TMEM221: variants seen among roughly 807,000 people sequenced by gnomAD.
TMEM221 encodes the protein transmembrane protein 221, also known as Putative transmembrane protein ENSP00000342162.
TMEM221 carries 11 observed loss-of-function variants against 10.2 expected under a neutral mutation model. The observed-to-expected ratio is 1.08, with a 90% CI of 0.68 to 1.79. TMEM221 has a LOEUF of 1.79. Ranked by LOEUF, TMEM221 falls within the 40% of genes most tolerant of loss-of-function variation. TMEM221 has a pLI of 0.00. For missense variants in TMEM221, 382 were observed against 417.7 expected (o/e 0.91, Z 0.75); for synonymous variants, 172 against 199.8 (o/e 0.86, Z 1.18).
chr19:17,437,838 G>T lies in TMEM221; in HGVS notation c.407-911C>A, dbSNP rs1043931345. The stretch of plus-strand genomic sequence containing the variant: ...AAGGAGTGGATGTTGGGGACCAGAT[G>T]AGGGTGGGGGCCACAGAAAGGGGTG... On this transcript the variant is annotated intron_variant, in intron 2 of 2. Coordinates refer to ENST00000341130, the MANE Select transcript of TMEM221 (RefSeq NM_001190844.2). Among the ~76,000 whole-genome samples the T allele has an allele frequency of 2.6e-5, 4 of 152,214 alleles. 1 individual carries two copies. In the Middle Eastern group the frequency reaches 0.01, roughly 388 times the overall value.
chr19:17,440,775 G>A (rs144199357), intron 2 of TMEM221, among the ~76,000 whole-genome samples: 2,255 of 152,264 alleles, frequency 0.015, 21 homozygotes, highest in Admixed American at 0.035. Flanking sequence ...TGCCTGGGGT[G>A]GGGGTGAGGG....
At chr19:17,440,827 C>G (rs1450310489) in intron 2 of TMEM221, among the ~76,000 whole-genome samples, 1 of 152,182 alleles carries the variant, frequency 6.6e-6, no homozygotes, top group Non-Finnish European at 1.5e-5. Context: ...CTCTCTGGTG[C>G]CCACAGGTTT....
In TMEM221 at chr19:17,448,639, G is replaced by T. The variant is rs2074963167; in HGVS notation, c.-177C>A. 7 of 397,200 alleles carry T rather than the reference G, an allele frequency of 1.8e-5. No individual in the cohort carries two copies. The highest frequency in any genetic ancestry group is 3.1e-5 in the Non-Finnish European group (7 of 228,802). The allele number at this position is 397,200 out of a possible 1,614,324, so 24.6% of individuals were successfully genotyped here. A position where few individuals can be genotyped will look rare whatever the true frequency, so the allele number is the denominator to read the frequency against. ...TCGCCAGACGGACGGGGGCTCCGGG[G>T]TGCTGGTCGCAGCCGGGACGCCGAA... is the stretch of plus-strand genomic sequence containing the variant. On this transcript the variant is annotated 5_prime_UTR_variant, in exon 1 of 3. Transcript: ENST00000341130. This position sits in a 1 kb window ranked among gnomAD's most constrained non-coding sequence, Gnocchi z 4.7.
chr19:17,448,482 C>CG lies in TMEM221; in HGVS notation c.-21dup. The CG allele has an allele frequency of 6.9e-7, 1 of 1,447,400 alleles. No individual in the cohort carries two copies. The highest frequency in any genetic ancestry group is 9.1e-7 in the Non-Finnish European group (1 of 1,102,944). The allele number at this position is 1,447,400 out of a possible 1,614,324, so 89.7% of individuals were successfully genotyped here. A position where few individuals can be genotyped will look rare whatever the true frequency, so the allele number is the denominator to read the frequency against. On this transcript the variant is annotated 5_prime_UTR_variant, in exon 1 of 3. Coordinates refer to ENST00000341130, the MANE Select transcript of TMEM221 (RefSeq NM_001190844.2). The surrounding 1 kb of genome is among the most constrained non-coding windows in gnomAD (Gnocchi z 4.7). The stretch of plus-strand genomic sequence containing the variant: ...GGCCATGGCGGGGGTTCCTGCGGGC[C>CG]GGGGGAAGAGTTGAGGAATTGAAGT...
At chr19:17,444,262 T>C (rs531843507) in intron 2 of TMEM221, among the ~76,000 whole-genome samples, 108 of 151,438 alleles carry the variant, frequency 7.1e-4, no homozygotes, top group Non-Finnish European at 1.3e-3. Context: ...TTTGTATTTT[T>C]AGTAGAGATG....
intron 1 of TMEM221, among the ~76,000 whole-genome samples, chr19:17,446,052 C>T (rs1172865855): frequency 3.3e-5 from 5 of 151,960 alleles, no homozygotes; most frequent in African/African-American, 1.2e-4. Flanking sequence ...CATATACAGC[C>T]TTCCATCCAT....
intron 2 of TMEM221, among the ~76,000 whole-genome samples, chr19:17,442,908 C>G (rs1335677030): frequency 6.6e-6 from 1 of 152,142 alleles, no homozygotes; most frequent in Non-Finnish European, 1.5e-5. Flanking sequence ...ATGCAGTGTT[C>G]CGTGCACTTC....
At position 17,436,202 on chromosome 19, in the gene TMEM221, GA is replaced by G. The variant is rs2074907383; in HGVS notation, c.*255del. ...TGTTCTGGCCAGTGGGATATAAAAAGAAGGGTTTCGAGGCTTCCTGGGAAGA... is the reference window on the plus strand; with the variant it reads ...TGTTCTGGCCAGTGGGATATAAAAAGAGGGTTTCGAGGCTTCCTGGGAAGA... On this transcript the variant is annotated 3_prime_UTR_variant, in exon 3 of 3. Transcript: ENST00000341130. 1 of 466,784 alleles carries G rather than the reference GA, an allele frequency of 2.1e-6. No homozygotes were observed. 28.9% of individuals were successfully genotyped at this position (466,784 alleles called of 1,614,324 possible).
intron 2 of TMEM221, among the ~76,000 whole-genome samples, chr19:17,438,336 C>T (rs1207327619): frequency 6.6e-6 from 1 of 152,130 alleles, no homozygotes; most frequent in African/African-American, 2.4e-5. Flanking sequence ...GATCCGCCCA[C>T]CTTGGCCTTC....
rs545515040 is a variant in TMEM221, at chr19:17,438,639, C to T, written c.407-1712G>A. Among the ~76,000 whole-genome samples the T allele has an allele frequency of 2.0e-3, 305 of 149,780 alleles. 2 individuals are homozygous for T. Among genetic ancestry groups the T allele is most frequent in the African/African-American group, 6.9e-3 (279 of 40,718 alleles). On this transcript the variant is annotated intron_variant, in intron 2 of 2. Transcript: ENST00000341130. ...TGAGACTGAGTTTTGCTCTTGTTGC[C>T]GAGGCTGGAGTGCAGTGGCACAATC...
rs2074907527 is a variant in TMEM221 at position 17,436,241 on chromosome 19, A to G, written c.*217T>C. 3 of 526,770 alleles carry G rather than the reference A, an allele frequency of 5.7e-6. No homozygotes were observed. Among genetic ancestry groups the G allele is most frequent in the Non-Finnish European group, 6.6e-6 (2 of 301,714 alleles). The allele number at this position is 526,770 out of a possible 1,614,324, so 32.6% of individuals were successfully genotyped here. ...CTTCCTGGGAAGACTTCCAGGAGAC[A>G]CCTAGCCAGCGCTGGCCTCTGACTT... On this transcript the variant is annotated 3_prime_UTR_variant, in exon 3 of 3. Coordinates refer to ENST00000341130, the MANE Select transcript of TMEM221 (RefSeq NM_001190844.2).
chr19:17,442,391 T>G (rs957476969), intron 2 of TMEM221, among the ~76,000 whole-genome samples: 2 of 151,462 alleles, frequency 1.3e-5, no homozygotes, highest in Admixed American at 6.6e-5. Flanking sequence ...CCTGAGTAGC[T>G]GGGTCTACAG....
rs1435736087 is a variant in TMEM221 at position 17,436,717 on chromosome 19, G to A, written c.617C>T (p.Pro206Leu). Residue 206 changes from proline to leucine, a missense_variant, in exon 3 of 3, where the codon CCC (proline) becomes CTC (leucine). Physicochemically the swap from Pro to Leu is moderately conservative, Grantham distance 98 (BLOSUM62 -3). Transcript: ENST00000341130. Reference protein sequence around the residue: ...ARPAEVSKASPRAQPQQGIHR... With the variant: ...ARPAEVSKASLRAQPQQGIHR... ...GATACCCTGCTGAGGCTGAGCTCTGGGGCTGGCCTTGGAGACTTCGGCAGG... is the reference window on the plus strand; with the variant it reads ...GATACCCTGCTGAGGCTGAGCTCTGAGGCTGGCCTTGGAGACTTCGGCAGG... The A allele has an allele frequency of 6.5e-7, 1 of 1,531,928 alleles. No individual in the cohort carries two copies. The highest frequency in any genetic ancestry group is 8.7e-7 in the Non-Finnish European group (1 of 1,144,160). The allele number at this position is 1,531,928 out of a possible 1,614,324, so 94.9% of individuals were successfully genotyped here.
At chr19:17,440,141 C>T (rs2074925969) in intron 2 of TMEM221, among the ~76,000 whole-genome samples, 1 of 151,882 alleles carries the variant, frequency 6.6e-6, no homozygotes, top group Non-Finnish European at 1.5e-5. Flanking sequence ...GAGCTATGAT[C>T]ACACCACTGC....
rs1446756813 is a variant in TMEM221 at position 17,448,172 on chromosome 19, G to C, written c.291C>G (p.Ala97=). The stretch of plus-strand genomic sequence containing the variant: ...TGGGGCCAGGCCCCCGCGCCAGCTC[G>C]GCGCCCAGGTGGCCACAGAGCGCGG... The part of the protein sequence containing the change: ...LLAALCGHLG[A]ELARGPGPRR... The change falls in exon 1 of 3, where the codon GCC becomes GCG. Residue 97 remains alanine, a synonymous_variant. Transcript: ENST00000341130. This position sits in a 1 kb window ranked among gnomAD's most constrained non-coding sequence, Gnocchi z 4.7. 23 of 1,431,316 alleles carry C rather than the reference G, an allele frequency of 1.6e-5. No individual in the cohort carries two copies. The highest frequency in any genetic ancestry group is 1.9e-5 in the Non-Finnish European group (21 of 1,095,898). 88.7% of individuals were successfully genotyped at this position (1,431,316 alleles called of 1,614,324 possible).
At position 17,436,493 on chromosome 19, in the gene TMEM221, G is replaced by C; in HGVS notation, c.841C>G (p.Pro281Ala). The change falls in exon 3 of 3, where the codon CCA becomes GCA. Residue 281 changes from proline (P) to alanine (A), a missense_variant. Pro to Ala is a conservative substitution (Grantham distance 27, BLOSUM62 -1). Transcript: ENST00000341130. Reference sequence around the variant, plus strand: ...GTGGAGTCCTTCCCCATGCTCCCTGGTCTGTGGCCCAGCATTCGACGCATC... The same window carrying C: ...GTGGAGTCCTTCCCCATGCTCCCTGCTCTGTGGCCCAGCATTCGACGCATC... ...HEMRRMLGHR[P>A]GSMGKDSTLV 1 of 1,532,532 alleles carries C rather than the reference G, an allele frequency of 6.5e-7. No homozygotes were observed. The allele number at this position is 1,532,532 out of a possible 1,614,324, so 94.9% of individuals were successfully genotyped here.
At position 17,436,892 on chromosome 19, in the gene TMEM221, C is replaced by G. The variant is rs200775817; in HGVS notation, c.442G>C (p.Glu148Gln). 7.0e-7 allele frequency: 1 copy of G among 1,432,478 alleles called. No individual in the cohort carries two copies. The highest frequency in any genetic ancestry group is 2.8e-5 in the Admixed American group (1 of 35,704). 88.7% of individuals were successfully genotyped at this position (1,432,478 alleles called of 1,614,324 possible). A position where few individuals can be genotyped will look rare whatever the true frequency, so the allele number is the denominator to read the frequency against. ...ATGGAAGCAGCTGCTGCGCCTGTCT[C>G]GATCTCGAAAAGTAGCAAGGCATAG... ...SIYALLLFEI[E>Q]TGAAAASILG... The change falls in exon 3 of 3, where the codon GAG (glutamate) becomes CAG (glutamine). Residue 148 changes from glutamate (E) to glutamine (Q), a missense_variant. Physicochemically the swap from Glu to Gln is conservative, Grantham distance 29. Coordinates refer to ENST00000341130, the MANE Select transcript of TMEM221 (RefSeq NM_001190844.2).
Position 17,436,392 on chromosome 19 carries a change from C to A in TMEM221, c.*66G>T. 7.3e-7 allele frequency: 1 copy of A among 1,373,212 alleles called. No homozygotes were observed. Among genetic ancestry groups the A allele is most frequent in the Non-Finnish European group, 9.5e-7 (1 of 1,052,456 alleles). The allele number at this position is 1,373,212 out of a possible 1,614,324, so 85.1% of individuals were successfully genotyped here. A position where few individuals can be genotyped will look rare whatever the true frequency, so the allele number is the denominator to read the frequency against. On this transcript the variant is annotated 3_prime_UTR_variant, in exon 3 of 3. Transcript: ENST00000341130. ...AAATCAAGTCCTACTGCTACTGCAG[C>A]TGAACCCGAACCTATCTCTATGGTA...
Position 17,445,211 on chromosome 19 carries a change from C to T in TMEM221, c.394G>A (p.Val132Ile), listed in dbSNP as rs913891676. Reference sequence around the variant, plus strand: ...TTCCAGCACACACCTGCTAAATAGACGGAGATCCCACAGCAGAAAAGGCCA... The same window carrying T: ...TTCCAGCACACACCTGCTAAATAGATGGAGATCCCACAGCAGAAAAGGCCA... ...ALGLFCCGIS[V>I]YLAALSIYAL... The change falls in exon 2 of 3, where the codon GTC (valine) becomes ATC (isoleucine). Residue 132 changes from valine (V) to isoleucine (I), a missense_variant. Physicochemically the swap from Val to Ile is conservative, Grantham distance 29 (BLOSUM62 3). Coordinates refer to ENST00000341130, the MANE Select transcript of TMEM221 (RefSeq NM_001190844.2). The T allele has an allele frequency of 5.2e-6, 8 of 1,535,584 alleles. No homozygotes were observed. The highest frequency in any genetic ancestry group is 1.2e-5 in the South Asian group (1 of 84,056).
Sources: allele counts gnomAD v4.1 joint callset (sites outside exome capture counted in the v4.1 genomes callset), GRCh38; gene constraint gnomAD v4.1.1; non-coding constraint Gnocchi (gnomAD v3.1); transcripts MANE v1.5; gene names NCBI Gene and HGNC (gene_info 2026-07-23, HGNC 2026-07-21).